The following PAG1 variants were observed in gnomAD, a reference collection of about 807,000 sequenced individuals.
PAG1 encodes the protein phosphoprotein associated with glycosphingolipid-enriched microdomains 1.
In PAG1, 23 loss-of-function variants were observed where a neutral mutation model predicts 31.7. The observed-to-expected ratio is 0.73, with a 90% CI of 0.52 to 1.03. PAG1 has a LOEUF of 1.03. Ranked by LOEUF, PAG1 falls within the 50% of genes least tolerant of loss-of-function variation. The probability of loss-of-function intolerance (pLI) is 0.00; values close to 1 mark genes in which losing one functional copy is unlikely to be tolerated. For missense variants in PAG1, 473 were observed against 540.7 expected (o/e 0.87, Z 1.24); for synonymous variants, 214 against 210.3 (o/e 1.02, Z -0.15).
intron 1 of PAG1, among the ~76,000 whole-genome samples, chr8:81,108,046 T>C (rs1809720503): frequency 6.6e-6 from 1 of 152,232 alleles, no homozygotes; most frequent in Non-Finnish European, 1.5e-5. Context: ...AAGAAAATTA[T>C]TCAGAGATTT....
At chr8:81,074,399 G>T (rs1488983656) in intron 1 of PAG1, among the ~76,000 whole-genome samples, 1 of 152,184 alleles carries the variant, frequency 6.6e-6, no homozygotes, top group Admixed American at 6.5e-5. Flanking sequence ...TGGAATCTAA[G>T]CTAGATAACT....
rs1052343299 is a variant in PAG1, at chr8:80,972,431, A to C, written c.*4113T>G. ...TCAGACCAGCTTTTTCGCACATCCT[A>C]TCACATCGCTGCCTGCTGATGTTTT... On this transcript the variant is annotated 3_prime_UTR_variant, in exon 9 of 9. Transcript: ENST00000220597. 6.6e-6 allele frequency: 1 copy of C among 152,220 alleles called. No homozygotes were observed. Among genetic ancestry groups the C allele is most frequent in the African/African-American group, 2.4e-5 (1 of 41,452 alleles). 9.4% of individuals were successfully genotyped at this position (152,220 alleles called of 1,614,324 possible).
At position 80,971,156 on chromosome 8, in the gene PAG1, A is replaced by G. The variant is rs1807069365; in HGVS notation, c.*5388T>C. ...AAGGTTTAAAAATTCCCAGTACTGA[A>G]AACAACTTTCTCACTCTTTTGTGAA... On this transcript the variant is annotated 3_prime_UTR_variant, in exon 9 of 9. Transcript: ENST00000220597. 6.6e-6 allele frequency: 1 copy of G among 152,222 alleles called. No homozygotes were observed. The highest frequency in any genetic ancestry group is 1.5e-5 in the Non-Finnish European group (1 of 68,020). The allele number at this position is 152,222 out of a possible 1,614,324, so 9.4% of individuals were successfully genotyped here. A position where few individuals can be genotyped will look rare whatever the true frequency, so the allele number is the denominator to read the frequency against.
At chr8:81,000,229 G>A (rs916937552) in intron 3 of PAG1, among the ~76,000 whole-genome samples, 2 of 152,108 alleles carry the variant, frequency 1.3e-5, no homozygotes, top group African/African-American at 4.8e-5. Flanking sequence ...TATGACCTGG[G>A]AAATAGGAGC....
chr8:81,058,845 TATG>T (rs1162299720), intron 2 of PAG1, among the ~76,000 whole-genome samples: 1 of 152,094 alleles, frequency 6.6e-6, no homozygotes, highest in Non-Finnish European at 1.5e-5. Flanking sequence ...TGCACTGAGG[TATG>T]ATTATACCAT....
chr8:81,068,529 AT>A (rs1809043907), intron 2 of PAG1, among the ~76,000 whole-genome samples: 1 of 152,212 alleles, frequency 6.6e-6, no homozygotes, highest in Admixed American at 6.5e-5. Flanking sequence ...GCAAAGCATT[AT>A]TGTTGAGAAG....
chr8:81,000,988 G>A (rs1486420131), intron 3 of PAG1, among the ~76,000 whole-genome samples: 1 of 152,106 alleles, frequency 6.6e-6, no homozygotes, highest in East Asian at 1.9e-4. Context: ...AGCCTCAAGG[G>A]GGCTGGACCT....
At chr8:81,050,447 TCA>T (rs1055177489) in intron 2 of PAG1, among the ~76,000 whole-genome samples, 3 of 152,148 alleles carry the variant, frequency 2.0e-5, no homozygotes, top group Admixed American at 6.5e-5. Flanking sequence ...GCATCTAAAA[TCA>T]CAGAGATCTG....
chr8:81,093,830 A>C (rs956514456), intron 1 of PAG1, among the ~76,000 whole-genome samples: 57 of 151,442 alleles, frequency 3.8e-4, no homozygotes, highest in African/African-American at 1.2e-3. Flanking sequence ...AAAATAATCA[A>C]AGCAGCAATC....
chr8:81,080,011 C>A (rs1244662687), intron 1 of PAG1, among the ~76,000 whole-genome samples: 1 of 152,022 alleles, frequency 6.6e-6, no homozygotes, highest in Non-Finnish European at 1.5e-5. Context: ...CTCAAGTGAT[C>A]CTCCCATCAA....
chr8:81,018,043 C>T (rs1455288028), intron 3 of PAG1, among the ~76,000 whole-genome samples: 2 of 152,134 alleles, frequency 1.3e-5, no homozygotes, highest in Non-Finnish European at 2.9e-5. Flanking sequence ...TTATAAAGGA[C>T]AATGACTGGC....
chr8:81,011,686 G>A (rs1807987515), intron 3 of PAG1, among the ~76,000 whole-genome samples: 1 of 152,140 alleles, frequency 6.6e-6, no homozygotes, highest in Admixed American at 6.5e-5. Flanking sequence ...AACTACTGAT[G>A]GCTAATAGAT....
At chr8:80,995,660 A>G (rs556802194) in intron 3 of PAG1, among the ~76,000 whole-genome samples, 35 of 152,392 alleles carry the variant, frequency 2.3e-4, no homozygotes, top group African/African-American at 8.2e-4. Context: ...ATTCATTCAT[A>G]CAACAGATTA....
At chr8:81,070,630 C>T (rs1809076748) in intron 1 of PAG1, among the ~76,000 whole-genome samples, 1 of 149,620 alleles carries the variant, frequency 6.7e-6, no homozygotes, top group Admixed American at 6.7e-5. Flanking sequence ...GGTTGTATGC[C>T]TCAAGAAGAT....
At chr8:81,005,277 T>C (rs1807855315) in intron 3 of PAG1, among the ~76,000 whole-genome samples, 1 of 152,182 alleles carries the variant, frequency 6.6e-6, no homozygotes, top group Admixed American at 6.5e-5. Context: ...CCAGGGGGAA[T>C]TCTGAGAGAA....
At chr8:81,006,859 G>C (rs1444302198) in intron 3 of PAG1, among the ~76,000 whole-genome samples, 2 of 152,194 alleles carry the variant, frequency 1.3e-5, no homozygotes, top group African/African-American at 4.8e-5. Flanking sequence ...AGAGGCCTTA[G>C]AATATGGATT....
At chr8:81,034,158 T>C (rs774348543) in intron 2 of PAG1, among the ~76,000 whole-genome samples, 8 of 152,262 alleles carry the variant, frequency 5.3e-5, no homozygotes, top group Non-Finnish European at 1.2e-4. Context: ...CACTTGATAC[T>C]TGAATCCTTT....
At chr8:81,030,339 A>T (rs573512182) in intron 2 of PAG1, among the ~76,000 whole-genome samples, 156 of 152,354 alleles carry the variant, frequency 1.0e-3, no homozygotes, top group African/African-American at 3.6e-3. Context: ...TTTAATAAAA[A>T]AGCCACGTAA....
At position 80,987,388 on chromosome 8, in the gene PAG1, C is replaced by A; in HGVS notation, c.256G>T (p.Ala86Ser). 1 of 1,610,976 alleles carries A rather than the reference C, an allele frequency of 6.2e-7. No homozygotes were observed. The highest frequency in any genetic ancestry group is 8.5e-7 in the Non-Finnish European group (1 of 1,177,136). The change falls in exon 6 of 9, where the codon GCA becomes TCA. Residue 86 changes from alanine (A) to serine (S), a missense_variant. Coordinates refer to ENST00000220597, the MANE Select transcript of PAG1 (RefSeq NM_018440.4). ...DAPASSEQNG[A>S]LTNGDILSED... ...AACTTACTGTCCCCATTGGTGAGTG[C>A]CCCATTCTGCTCACTGCTGGCAGGA... is the stretch of plus-strand genomic sequence containing the variant.
Sources: gnomAD v4.1 joint callset for allele counts (sites outside exome capture counted in the v4.1 genomes callset) on GRCh38, gnomAD v4.1.1 for gene constraint, MANE v1.5 for transcripts, NCBI Gene and HGNC (gene_info 2026-07-23, HGNC 2026-07-21) for gene names.